The following CDC5L variants were observed in gnomAD, a reference collection of about 807,000 sequenced individuals.
CDC5L encodes cell division cycle 5-like protein.
CDC5L carries 18 observed loss-of-function variants against 104.1 expected under a neutral mutation model. The observed-to-expected ratio is 0.17, with a 90% CI of 0.12 to 0.26. The LOEUF is 0.26. CDC5L is among the 10% of genes least tolerant of loss of function. The pLI is 1.00. For synonymous variants in CDC5L, 331 were observed against 322.7 expected (o/e 1.03, Z -0.28); for missense variants, 673 against 956.9 (o/e 0.70, Z 3.91).
chr6:44,398,002 C>T (rs1436717210), intron 5 of CDC5L, among the ~76,000 whole-genome samples: 2 of 152,100 alleles, frequency 1.3e-5, no homozygotes, highest in African/African-American at 2.4e-5. Context: ...CCCTTGTGGC[C>T]CCCAGGTTGG....
intron 1 of CDC5L, among the ~76,000 whole-genome samples, chr6:44,390,021 A>G (rs1025452920): frequency 5.9e-5 from 9 of 152,238 alleles, no homozygotes; most frequent in African/African-American, 2.2e-4. Flanking sequence ...CCCACTCCCA[A>G]TTTATTGGAG....
At chr6:44,398,641 T>C (rs1414313643) in intron 5 of CDC5L, among the ~76,000 whole-genome samples, 2 of 152,348 alleles carry the variant, frequency 1.3e-5, no homozygotes, top group East Asian at 3.9e-4. Flanking sequence ...CTTCTAGTAT[T>C]GTTAATGTTC....
At chr6:44,388,852 C>T (rs1228376587) in intron 1 of CDC5L, among the ~76,000 whole-genome samples, 1 of 152,138 alleles carries the variant, frequency 6.6e-6, no homozygotes, top group Non-Finnish European at 1.5e-5. Context: ...TTTTTGTAAG[C>T]ATCACATCCT....
At chr6:44,423,778 C>T (rs1265995407) in intron 10 of CDC5L, among the ~76,000 whole-genome samples, 1 of 152,086 alleles carries the variant, frequency 6.6e-6, no homozygotes, top group Admixed American at 6.6e-5. Flanking sequence ...TTTAGTATTT[C>T]CATTAAAAAT....
At chr6:44,391,093 T>A (rs1790593074) in intron 2 of CDC5L, among the ~76,000 whole-genome samples, 1 of 144,128 alleles carries the variant, frequency 6.9e-6, no homozygotes, top group African/African-American at 2.6e-5. Flanking sequence ...ATTAAACATT[T>A]AATATGTTAT....
In CDC5L at chr6:44,403,967, A is replaced by G. The variant is rs1561969930; in HGVS notation, c.698A>G (p.Gln233Arg). ...TATGATACTTCTGAGGAAAACTACC[A>G]AGCTCTTGACGCAGATTTCAGGAAA... Reference protein sequence around the residue: ...GFYDTSEENYQALDADFRKLR... With the variant: ...GFYDTSEENYRALDADFRKLR... The change falls in exon 6 of 16, where the codon CAA becomes CGA. Residue 233 changes from glutamine to arginine, a missense_variant. By Grantham distance (43) the Gln-to-Arg change is conservative. Around this residue, in one of 4 missense-constraint regions of CDC5L, gnomAD observed 578 missense variants for 737.0 expected, o/e 0.78. Coordinates refer to ENST00000371477, the MANE Select transcript of CDC5L (RefSeq NM_001253.4). 6.2e-7 allele frequency: 1 copy of G among 1,613,828 alleles called. No homozygotes were observed. The highest frequency in any genetic ancestry group is 1.1e-5 in the South Asian group (1 of 90,928).
chr6:44,395,493 A>T (rs4711782), intron 4 of CDC5L, among the ~76,000 whole-genome samples: 6,321 of 152,270 alleles, frequency 0.042, 333 homozygotes, highest in Admixed American at 0.16. Flanking sequence ...TTCTTGCGAG[A>T]TGGGGAATAC....
chr6:44,388,162 C>T (rs1412551521), intron 1 of CDC5L, among the ~76,000 whole-genome samples: 31 of 130,014 alleles, frequency 2.4e-4, no homozygotes, highest in African/African-American at 8.7e-4. Flanking sequence ...CCCCCGCCCC[C>T]CCCGGCCCCG....
intron 11 of CDC5L, 76 bp downstream of exon 11, chr6:44,424,659 A>G: frequency 7.1e-7 from 1 of 1,408,606 alleles, no homozygotes; most frequent in South Asian, 1.2e-5. Context: ...AATAGCCATT[A>G]AATGTCCCAA....
intron 14 of CDC5L, among the ~76,000 whole-genome samples, chr6:44,434,734 T>A (rs896117015): frequency 5.9e-5 from 9 of 152,216 alleles, no homozygotes; most frequent in African/African-American, 1.9e-4. Context: ...AAGGATAATG[T>A]GTTTATTTTG....
At position 44,392,771 on chromosome 6, in the gene CDC5L, T is replaced by C; in HGVS notation, c.254T>C (p.Ile85Thr). 1 of 1,614,112 alleles carries C rather than the reference T, an allele frequency of 6.2e-7. No homozygotes were observed. Among genetic ancestry groups the C allele is most frequent in the Non-Finnish European group, 8.5e-7 (1 of 1,179,974 alleles). ...AKLMPTQWRT[I>T]APIIGRTAAQ... Reference sequence around the variant, plus strand: ...TTGATGCCAACTCAGTGGAGGACCATTGCTCCAATCATTGGAAGAACAGCG... The same window carrying C: ...TTGATGCCAACTCAGTGGAGGACCACTGCTCCAATCATTGGAAGAACAGCG... The change falls in exon 3 of 16, where the codon ATT becomes ACT. Residue 85 changes from isoleucine (I) to threonine (T), a missense_variant. Physicochemically the swap from Ile to Thr is moderately conservative, Grantham distance 89. Transcript: ENST00000371477.
chr6:44,397,286 T>C (rs1361803224), intron 5 of CDC5L, among the ~76,000 whole-genome samples: 1 of 152,232 alleles, frequency 6.6e-6, no homozygotes, highest in Non-Finnish European at 1.5e-5. Flanking sequence ...AAATACATTA[T>C]TTCACAATGT....
At chr6:44,439,654 C>T (rs977417120) in intron 14 of CDC5L, among the ~76,000 whole-genome samples, 3 of 152,154 alleles carry the variant, frequency 2.0e-5, no homozygotes, top group Non-Finnish European at 2.9e-5. Context: ...TCCTTTTACT[C>T]CCTTAGTTGT....
intron 14 of CDC5L, among the ~76,000 whole-genome samples, chr6:44,436,422 C>CATT (rs1792940996): frequency 8.0e-6 from 1 of 124,804 alleles, no homozygotes; most frequent in Non-Finnish European, 1.5e-5. Context: ...ATAGATTTTA[C>CATT]ATCGTGGATT....
chr6:44,445,035 C>G (rs11572045), intron 14 of CDC5L, among the ~76,000 whole-genome samples: 2,833 of 152,276 alleles, frequency 0.019, 68 homozygotes, highest in African/African-American at 0.058. Flanking sequence ...TGAGCCCCTT[C>G]CAGGGAGAAA....
Position 44,449,650 on chromosome 6 carries a change from C to G in CDC5L, c.*2939C>G, listed in dbSNP as rs1328990273. 4 of 152,112 alleles carry G rather than the reference C, an allele frequency of 2.6e-5. No individual in the cohort carries two copies. Among genetic ancestry groups the G allele is most frequent in the Non-Finnish European group, 5.9e-5 (4 of 68,032 alleles). The allele number at this position is 152,112 out of a possible 1,614,324, so 9.4% of individuals were successfully genotyped here. ...AAATGTGATAAAAAGCTGAAAGAAACCACCACAAGGGAGAGTCCTTTTTGA... is the reference window on the plus strand; with the variant it reads ...AAATGTGATAAAAAGCTGAAAGAAAGCACCACAAGGGAGAGTCCTTTTTGA... On this transcript the variant is annotated 3_prime_UTR_variant, in exon 16 of 16. Transcript: ENST00000371477.
rs535307357 is a variant in CDC5L at position 44,391,493 on chromosome 6, C to T, written c.149+1122C>T. 3.3e-3 allele frequency among the ~76,000 whole-genome samples: 500 copies of T among 152,116 alleles called. 4 individuals carry two copies. The highest frequency in any genetic ancestry group is 0.011 in the African/African-American group (465 of 41,496). ...TTGATCTCCTGACCTCGTGATCCAT[C>T]CACCTCGGCCTCCCAGAGTGCTGGG... On this transcript the variant is annotated intron_variant, in intron 2 of 15. Coordinates refer to ENST00000371477, the MANE Select transcript of CDC5L (RefSeq NM_001253.4).
In CDC5L at chr6:44,390,327, C is replaced by A. The variant is rs147889910; in HGVS notation, c.105C>A (p.Ala35=). ...GGAAAAATCAGTGGTCTAGGATTGC[C>A]TCATTGCTGCATAGAAAATCAGCAA... is the stretch of plus-strand genomic sequence containing the variant. The part of the protein sequence containing the change: ...KYGKNQWSRI[A]SLLHRKSAKQ... Residue 35 remains alanine (A), a synonymous_variant, in exon 2 of 16, where the codon GCC becomes GCA. Coordinates refer to ENST00000371477, the MANE Select transcript of CDC5L (RefSeq NM_001253.4). The A allele has an allele frequency of 1.7e-5, 28 of 1,613,208 alleles. No individual in the cohort carries two copies. The South Asian group carries it at 2.9e-4, about 16-fold the overall frequency.
At chr6:44,413,661 G>A (rs555292592) in intron 8 of CDC5L, among the ~76,000 whole-genome samples, 28 of 152,146 alleles carry the variant, frequency 1.8e-4, no homozygotes, top group African/African-American at 6.3e-4. Context: ...ATGGCTCACC[G>A]AAGCCTTGAC....
Sources: gnomAD v4.1 joint callset for allele counts (sites outside exome capture counted in the v4.1 genomes callset) on GRCh38, gnomAD v4.1.1 for gene constraint, gnomAD v4.1.1 regional missense constraint, MANE v1.5 for transcripts, NCBI Gene and HGNC (gene_info 2026-07-23, HGNC 2026-07-21) for gene names.